Variants in CEP63 observed in about 807,000 individuals in gnomAD.
CEP63 encodes centrosomal protein 63.
CEP63 carries 84 observed loss-of-function variants against 89.1 expected under a neutral mutation model. The ratio of observed to expected loss-of-function variants is 0.94; its 90% CI spans 0.79 to 1.13. The LOEUF is 1.13. Ranked by LOEUF, CEP63 falls within the 50% of genes most tolerant of loss-of-function variation. The probability of loss-of-function intolerance (pLI) is 0.00; values close to 1 mark genes in which losing one functional copy is unlikely to be tolerated. For synonymous variants in CEP63, 267 were observed against 272.5 expected (o/e 0.98, Z 0.20); for missense variants, 838 against 813.3 (o/e 1.03, Z -0.37).
At chr3:134,512,779 C>G (rs1945291060) in intron 3 of CEP63, among the ~76,000 whole-genome samples, 1 of 152,128 alleles carries the variant, frequency 6.6e-6, no homozygotes, top group Admixed American at 6.5e-5. Context: ...ATCCCCTCAT[C>G]CTTCCAGGAG....
At position 134,558,218 on chromosome 3, in the gene CEP63, A is replaced by G. The variant is rs987070511; in HGVS notation, c.1544A>G (p.Gln515Arg). Residue 515 changes from glutamine to arginine, a missense_variant, in exon 13 of 15, where the codon CAA (glutamine) becomes CGA (arginine). By Grantham distance (43) the Gln-to-Arg change is conservative (BLOSUM62 1). Coordinates refer to ENST00000675561, the MANE Select transcript of CEP63 (RefSeq NM_001353108.3). ...ALNKLVSENQ[Q>R]LQKDLMNTKS... is the part of the protein sequence containing the mutation. The stretch of plus-strand genomic sequence containing the variant: ...AATAAATTAGTGTCTGAAAATCAAC[A>G]ACTACAGAAAGATTTGATGAATACC... 1.2e-6 allele frequency: 2 copies of G among 1,613,734 alleles called. No homozygotes were observed. The highest frequency in any genetic ancestry group is 1.7e-6 in the Non-Finnish European group (2 of 1,179,672).
chr3:134,539,600 G>A (rs577560235), intron 6 of CEP63, among the ~76,000 whole-genome samples: 2 of 152,194 alleles, frequency 1.3e-5, no homozygotes, highest in South Asian at 4.1e-4. Context: ...CAAGGTTGAT[G>A]TATTGCATTT....
At chr3:134,623,832 C>G in the CEP63 span, among the ~76,000 whole-genome samples, 1 of 152,038 alleles carries the variant, frequency 6.6e-6, no homozygotes, top group Non-Finnish European at 1.5e-5. Context: ...GGAGCCCCTC[C>G]CTGGACCTTC....
Position 134,536,986 on chromosome 3 carries a change from A to C in CEP63, c.442-169A>C, listed in dbSNP as rs1465811504. 4.6e-6 allele frequency: 3 copies of C among 653,748 alleles called. No individual in the cohort carries two copies. The Admixed American group carries it at 6.3e-5, about 14-fold the overall frequency. The allele number at this position is 653,748 out of a possible 1,614,324, so 40.5% of individuals were successfully genotyped here. A position where few individuals can be genotyped will look rare whatever the true frequency, so the allele number is the denominator to read the frequency against. On this transcript the variant is annotated intron_variant, in intron 5 of 14. Transcript: ENST00000675561. ...CAGAGGCACAGTATGTGAGGAAGTT[A>C]GTATTACTCTCCAGCTCTGTTAGCT...
chr3:134,702,301 A>G, the CEP63 span, among the ~76,000 whole-genome samples: 1 of 152,128 alleles, frequency 6.6e-6, no homozygotes, highest in Non-Finnish European at 1.5e-5. Flanking sequence ...AAAGCAAGGT[A>G]TAGATTAAAT....
At chr3:134,699,116 G>A in the CEP63 span, among the ~76,000 whole-genome samples, 2 of 152,216 alleles carry the variant, frequency 1.3e-5, no homozygotes, top group Admixed American at 1.3e-4. Flanking sequence ...GCCCAGAGCA[G>A]GAAATGTCTC....
chr3:134,740,306 AT>A, the CEP63 span, among the ~76,000 whole-genome samples: 1 of 147,878 alleles, frequency 6.8e-6, no homozygotes, highest in Non-Finnish European at 1.5e-5. Flanking sequence ...TTATTTATTT[AT>A]TTATTTTTGA....
At chr3:134,592,469 G>GGTGTGTGGGTGTGTGTGTGT (rs1958615991), downstream of CEP63, among the ~76,000 whole-genome samples, 1 of 125,108 alleles carries the variant, frequency 8.0e-6, no homozygotes, top group African/African-American at 3.0e-5. Context: ...TCTGCAAACT[G>GGTGTGTGGGTGTGTGTGTGT]GTGTGTGTGT....
At chr3:134,571,854 T>C (rs1370139746) in intron 11 of CEP63, among the ~76,000 whole-genome samples, 1 of 152,264 alleles carries the variant, frequency 6.6e-6, no homozygotes, top group Non-Finnish European at 1.5e-5. Context: ...GTCTATCACC[T>C]ACCATGCTTT....
At chr3:134,681,011 C>A in the CEP63 span, among the ~76,000 whole-genome samples, 2 of 152,300 alleles carry the variant, frequency 1.3e-5, no homozygotes, top group East Asian at 3.9e-4. Flanking sequence ...AGGTGGCACT[C>A]GGGACAGGAG....
At chr3:134,657,490 T>C in the CEP63 span, among the ~76,000 whole-genome samples, 7 of 152,352 alleles carry the variant, frequency 4.6e-5, no homozygotes, top group South Asian at 1.4e-3. Flanking sequence ...TAATGAATAG[T>C]TTACTAAAAA....
In CEP63 at chr3:134,547,604, G is replaced by GGTTTTATTTTTTTTTTTT; in HGVS notation, c.1067+132_1067+133insGTTTTATTTTTTTTTTTT. The GGTTTTATTTTTTTTTTTT allele has an allele frequency of 1.2e-4, 21 of 178,906 alleles. 2 individuals are homozygous for GGTTTTATTTTTTTTTTTT. The highest frequency in any genetic ancestry group is 2.1e-4 in the East Asian group (1 of 4,752). 11.1% of individuals were successfully genotyped at this position (178,906 alleles called of 1,614,324 possible). A position where few individuals can be genotyped will look rare whatever the true frequency, so the allele number is the denominator to read the frequency against. ...TTTCTAGTATCCACAAATGGCCTAA[G>GGTTTTATTTTTTTTTTTT]TTCTTATTTCTTTTTTTTTTTTTTT... On this transcript the variant is annotated intron_variant, in intron 9 of 14. Transcript: ENST00000675561.
chr3:134,655,221 T>C, the CEP63 span, among the ~76,000 whole-genome samples: 1 of 152,210 alleles, frequency 6.6e-6, no homozygotes, highest in African/African-American at 2.4e-5. Flanking sequence ...TGGATGTGGT[T>C]TCACAGTTGG....
the CEP63 span, chr3:134,610,100 C>T: frequency 5.9e-6 from 8 of 1,360,590 alleles, no homozygotes; most frequent in African/African-American, 1.0e-4. Flanking sequence ...TCCTTCCCCT[C>T]CCGCTTGGTC....
intron 11 of CEP63, 62 bp from the exon 12 acceptor site, chr3:134,551,864 A>G: frequency 9.5e-7 from 1 of 1,055,884 alleles, no homozygotes; most frequent in East Asian, 2.6e-5. Context: ...ATGTGGAAAA[A>G]TTTTGTAAGA....
the CEP63 span, among the ~76,000 whole-genome samples, chr3:134,649,056 A>G: frequency 6.6e-6 from 1 of 152,174 alleles, no homozygotes; most frequent in African/African-American, 2.4e-5. Flanking sequence ...TCTCCTGAAT[A>G]TCATCTCTGC....
chr3:134,745,531 T>C, the CEP63 span, among the ~76,000 whole-genome samples: 6 of 152,226 alleles, frequency 3.9e-5, no homozygotes, highest in Non-Finnish European at 7.3e-5. Flanking sequence ...GAGTTTTCTT[T>C]TTTAAAATTA....
At chr3:134,702,527 C>T in the CEP63 span, among the ~76,000 whole-genome samples, 2 of 152,100 alleles carry the variant, frequency 1.3e-5, no homozygotes, top group Admixed American at 1.3e-4. Context: ...AGAGCAGACA[C>T]ATAGACTAAT....
At chr3:134,546,045 A>G in intron 7 of CEP63, 104 bp from the exon 8 acceptor site, 1 of 1,284,170 alleles carries the variant, frequency 7.8e-7, no homozygotes, top group South Asian at 1.3e-5. Context: ...CTCGTGAAAT[A>G]GAAAAATTGT....
Sources: allele counts gnomAD v4.1 joint callset (sites outside exome capture counted in the v4.1 genomes callset), GRCh38; gene constraint gnomAD v4.1.1; transcripts MANE v1.5; gene names NCBI Gene and HGNC (gene_info 2026-07-23, HGNC 2026-07-21).